Variants in ABL1 observed in about 807,000 individuals in gnomAD.
The protein encoded by ABL1 is tyrosine-protein kinase ABL1.
In ABL1, 11 loss-of-function variants were observed where a neutral mutation model predicts 94.7. The ratio of observed to expected loss-of-function variants is 0.12; its 90% confidence interval spans 0.07 to 0.19. The LOEUF (loss-of-function observed/expected upper bound fraction) is 0.19, where lower values mean the gene tolerates loss of function less well. Among genes scored for constraint, ABL1 ranks in the 10% least tolerant of loss-of-function variants. ABL1 has a pLI of 1.00. For synonymous variants in ABL1, 656 were observed against 622.4 expected, an observed-to-expected ratio of 1.05 and a Z score of -0.80; for missense variants, 1,082 against 1,489.4, an observed-to-expected ratio of 0.73 and a Z score of 4.50.
chr9:130,793,747 C>T (rs931376778), intron 1 of ABL1, among the ~76,000 whole-genome samples: 1 of 152,042 alleles, frequency 6.6e-6, no homozygotes, highest in Non-Finnish European at 1.5e-5. Context: ...GGAACCAGGC[C>T]GTATAGCAGG....
At position 130,877,860 on chromosome 9, in the gene ABL1, G is replaced by A. The variant is rs535729138; in HGVS notation, c.1271-555G>A. The stretch of plus-strand genomic sequence containing the variant: ...CTCGCTCTGTCACCCAGCCTGGAGT[G>A]CAGTGGCGCGATCTTGATCTTGGCT... On this transcript the variant is annotated intron_variant, in intron 7 of 10. Coordinates refer to ENST00000318560, the MANE Select transcript of ABL1 (RefSeq NM_005157.6). 8.5e-4 allele frequency among the ~76,000 whole-genome samples: 126 copies of A among 148,860 alleles called. 5 individuals carry two copies. The highest frequency in any genetic ancestry group is 1.5e-3 in the Non-Finnish European group (102 of 67,472).
At chr9:130,811,911 CAAAAAAAAAAAAAAA>C (rs1203330162) in intron 1 of ABL1, among the ~76,000 whole-genome samples, 1 of 18,560 alleles carries the variant, frequency 5.4e-5, no homozygotes, top group Admixed American at 5.9e-4. Context: ...GACTCCGTCT[CAAAAAAAAAAAAAAA>C]AAAAAAAAAA....
At chr9:130,748,751 A>G (rs542858692) in intron 1 of ABL1, among the ~76,000 whole-genome samples, 1 of 151,916 alleles carries the variant, frequency 6.6e-6, no homozygotes, top group African/African-American at 2.4e-5. Context: ...TAATTTTTGT[A>G]TTTTTAGTGG....
In ABL1 at chr9:130,732,367, C is replaced by T. The variant is rs142559950; in HGVS notation, c.136+17912C>T. Among the ~76,000 whole-genome samples, 573 of 152,158 alleles carry T rather than the reference C, an allele frequency of 3.8e-3. 2 individuals carry two copies. Among genetic ancestry groups the T allele is most frequent in the African/African-American group, 0.013 (541 of 41,522 alleles). ...ACAGTGTGGAATGGGTCCAGGGAAC[C>T]GGCTGAGGAAAGGGGACATTTACTC... On this transcript the variant is annotated intron_variant, in intron 1 of 10. Transcript: ENST00000372348.
chr9:130,728,543 G>A (rs1435318883), intron 1 of ABL1, among the ~76,000 whole-genome samples: 1 of 151,198 alleles, frequency 6.6e-6, no homozygotes, highest in African/African-American at 2.4e-5. Flanking sequence ...CTGCCACCAC[G>A]CCCGGCTAAT....
At chr9:130,865,757 A>AG (rs1244607972) in intron 4 of ABL1, among the ~76,000 whole-genome samples, 2 of 151,698 alleles carry the variant, frequency 1.3e-5, no homozygotes, top group Non-Finnish European at 2.9e-5. Flanking sequence ...AAAAAAAAAA[A>AG]AAAAAAAAAA....
intron 3 of ABL1, among the ~76,000 whole-genome samples, chr9:130,857,523 G>A (rs1384203818): frequency 6.6e-6 from 1 of 151,728 alleles, no homozygotes; most frequent in Non-Finnish European, 1.5e-5. Flanking sequence ...TGACCTCTCT[G>A]TTCTCTTCCA....
intron 1 of ABL1, among the ~76,000 whole-genome samples, chr9:130,752,305 C>G (rs7037209): frequency 0.29 from 44,113 of 151,940 alleles, 8,696 homozygotes; most frequent in East Asian, 0.54. Context: ...TTAACTTTCT[C>G]ATCTTTAAGA....
chr9:130,773,588 A>T (rs1832278240), intron 1 of ABL1, among the ~76,000 whole-genome samples: 1 of 150,780 alleles, frequency 6.6e-6, no homozygotes, highest in East Asian at 1.9e-4. Context: ...CCTCCTGAGT[A>T]ACTGGGACTA....
chr9:130,748,284 G>A (rs1046263663), intron 1 of ABL1, among the ~76,000 whole-genome samples: 1 of 152,128 alleles, frequency 6.6e-6, no homozygotes, highest in Non-Finnish European at 1.5e-5. Context: ...CGCCTTTGTC[G>A]TTATACAGTA....
At chr9:130,735,961 A>ATATATATATAT (rs573602038) in intron 1 of ABL1, among the ~76,000 whole-genome samples, 7 of 94,852 alleles carry the variant, frequency 7.4e-5, no homozygotes, top group African/African-American at 4.5e-4. Flanking sequence ...ATATATATAT[A>ATATATATATAT]TTTTTTTTTT....
At chr9:130,857,951 G>T (rs930563882) in intron 3 of ABL1, among the ~76,000 whole-genome samples, 2 of 152,086 alleles carry the variant, frequency 1.3e-5, no homozygotes, top group African/African-American at 4.8e-5. Flanking sequence ...TGGGCCCTTT[G>T]AAAGAGCCTT....
At chr9:130,741,295 A>G (rs1831813906) in intron 1 of ABL1, among the ~76,000 whole-genome samples, 1 of 152,204 alleles carries the variant, frequency 6.6e-6, no homozygotes, top group African/African-American at 2.4e-5. Context: ...ACCAGTTACC[A>G]TGCCGGAGTA....
intron 1 of ABL1, among the ~76,000 whole-genome samples, chr9:130,852,082 CTTTT>C (rs1011984389): frequency 3.3e-5 from 5 of 151,932 alleles, no homozygotes; most frequent in African/African-American, 1.2e-4. Context: ...CCGGGCCTCT[CTTTT>C]TAAGATAATA....
At chr9:130,845,684 T>A (rs1830756665) in intron 1 of ABL1, among the ~76,000 whole-genome samples, 1 of 152,184 alleles carries the variant, frequency 6.6e-6, no homozygotes. Context: ...GACCTTGTTA[T>A]TTAATGTGCG....
At position 130,721,552 on chromosome 9, in the gene ABL1, T is replaced by TA. The variant is rs554291470; in HGVS notation, c.136+7098dup. On this transcript the variant is annotated intron_variant, in intron 1 of 10. Coordinates refer to the ABL1 transcript ENST00000372348. ...GGCGAAACCCCATCTCTACTAACAG[T>TA]ACAAAAAATTAGCTGGGCGTGGTGG... Among the ~76,000 whole-genome samples, 490 of 152,018 alleles carry TA rather than the reference T, an allele frequency of 3.2e-3. 2 individuals are homozygous for TA. The highest frequency in any genetic ancestry group is 0.011 in the African/African-American group (468 of 41,452).
At chr9:130,718,317 C>CAAAAAAAAAAAAAAAAAAAAAAAAAA (rs35188504) in intron 1 of ABL1, among the ~76,000 whole-genome samples, 1 of 73,078 alleles carries the variant, frequency 1.4e-5, no homozygotes, top group Non-Finnish European at 3.1e-5. Context: ...GACTCTGTCT[C>CAAAAAAAAAAAAAAAAAAAAAAAAAA]AAAAAAAAAA....
intron 1 of ABL1, among the ~76,000 whole-genome samples, chr9:130,785,928 T>TAAAAAAA (rs34333699): frequency 7.1e-5 from 4 of 56,658 alleles, no homozygotes; most frequent in Non-Finnish European, 7.2e-5. Context: ...GTCTCAAAAC[T>TAAAAAAA]AAAAAAAAAA....
chr9:130,717,243 A>T (rs1274089310), intron 1 of ABL1, among the ~76,000 whole-genome samples: 1 of 151,994 alleles, frequency 6.6e-6, no homozygotes, highest in Non-Finnish European at 1.5e-5. Flanking sequence ...GAGTTTCACC[A>T]TGTTAGCCAG....
Sources: gnomAD v4.1 joint callset for allele counts (sites outside exome capture counted in the v4.1 genomes callset) on GRCh38, gnomAD v4.1.1 for gene constraint, MANE v1.5 for transcripts, NCBI Gene and HGNC (gene_info 2026-07-23, HGNC 2026-07-21) for gene names.